Variants in IL12RB2 observed in about 807,000 individuals in gnomAD.
IL12RB2 encodes interleukin-12 receptor subunit beta-2.
A neutral mutation model predicts 89.4 loss-of-function variants in IL12RB2; 82 were observed. The ratio of observed to expected loss-of-function variants is 0.92; its 90% CI spans 0.77 to 1.10. The LOEUF (loss-of-function observed/expected upper bound fraction) is 1.10, where lower values mean the gene tolerates loss of function less well. Among genes scored for constraint, IL12RB2 ranks in the 50% least tolerant of loss-of-function variants. The pLI, the probability that IL12RB2 is intolerant of heterozygous loss-of-function variation, is 0.00. For synonymous variants in IL12RB2, 368 were observed against 370.1 expected, an observed-to-expected ratio of 0.99 and a Z score of 0.07; for missense variants, 963 against 1,031.9, an observed-to-expected ratio of 0.93 and a Z score of 0.92.
chr1:67,355,107 C>T (rs973175886), intron 10 of IL12RB2, among the ~76,000 whole-genome samples: 1 of 151,366 alleles, frequency 6.6e-6, no homozygotes, highest in East Asian at 2.0e-4. Context: ...CAGAACAAGA[C>T]ATTATCTAAA....
At chr1:67,322,081 GTCTC>G (rs35077887) in intron 4 of IL12RB2, among the ~76,000 whole-genome samples, 192 bp downstream of exon 4, 10 of 149,016 alleles carry the variant, frequency 6.7e-5, no homozygotes, top group East Asian at 2.0e-4. Context: ...TATTTGGCAA[GTCTC>G]TCTCTCTCTC....
At chr1:67,391,554 A>C (rs1046423753) in intron 16 of IL12RB2, among the ~76,000 whole-genome samples, 5 of 149,268 alleles carry the variant, frequency 3.3e-5, no homozygotes, top group Non-Finnish European at 7.4e-5. Flanking sequence ...TATAATTTAG[A>C]TATATTATCT....
chr1:67,354,257 G>A (rs1246255724), intron 10 of IL12RB2, among the ~76,000 whole-genome samples: 1 of 152,166 alleles, frequency 6.6e-6, no homozygotes, highest in Non-Finnish European at 1.5e-5. Context: ...AGGTGAGGGA[G>A]AGCAGGTGTG....
At chr1:67,375,559 G>C (rs1190132942) in intron 13 of IL12RB2, among the ~76,000 whole-genome samples, 2 of 152,190 alleles carry the variant, frequency 1.3e-5, no homozygotes, top group African/African-American at 4.8e-5. Flanking sequence ...GAGGGAGAAA[G>C]GCAAAGCAGG....
At chr1:67,328,625 G>T (rs1291152653) in intron 6 of IL12RB2, among the ~76,000 whole-genome samples, 1 of 152,152 alleles carries the variant, frequency 6.6e-6, no homozygotes, top group Non-Finnish European at 1.5e-5. Flanking sequence ...TTAGCCCCTG[G>T]ATTCAAATCC....
At chr1:67,356,726 C>A (rs1661437469) in intron 10 of IL12RB2, among the ~76,000 whole-genome samples, 1 of 152,096 alleles carries the variant, frequency 6.6e-6, no homozygotes, top group African/African-American at 2.4e-5. Flanking sequence ...TATAGCTGTA[C>A]TTTGACTCCT....
chr1:67,313,600 A>C (rs1304433645), intron 1 of IL12RB2, among the ~76,000 whole-genome samples: 1 of 152,138 alleles, frequency 6.6e-6, no homozygotes, highest in Non-Finnish European at 1.5e-5. Context: ...CGAGGCAGGC[A>C]GATCACCTGA....
rs573465872 is a variant in IL12RB2, at chr1:67,348,679, A to C, written c.1039-2191A>C. On this transcript the variant is annotated intron_variant, in intron 9 of 16. Coordinates refer to ENST00000674203, the MANE Select transcript of IL12RB2 (RefSeq NM_001374259.2). ...GTTGCCTTAAAAAATTAAAAAAAAA[A>C]AAACCCTGAACTGATTATACTGTTT... Among the ~76,000 whole-genome samples, 6 of 152,228 alleles carry C rather than the reference A, an allele frequency of 3.9e-5. No homozygotes were observed. The East Asian group carries it at 7.7e-4, about 20-fold the overall frequency.
chr1:67,348,107 G>A (rs1013971199), intron 9 of IL12RB2, among the ~76,000 whole-genome samples: 1 of 152,144 alleles, frequency 6.6e-6, no homozygotes, highest in East Asian at 1.9e-4. Context: ...GGGAAGAGTC[G>A]GCGGGCTCCT....
At position 67,319,002 on chromosome 1, in the gene IL12RB2, T is replaced by C. The variant is rs1558296047; in HGVS notation, c.-36-1331T>C. On this transcript the variant is annotated intron_variant, in intron 2 of 16. Transcript: ENST00000674203. ...TAACATTATTTAGGGTTTTCCTGAA[T>C]GATGGCTAGGCTAGAGGTAGAGGAA... Among the ~76,000 whole-genome samples, 3 of 152,166 alleles carry C rather than the reference T, an allele frequency of 2.0e-5. No homozygotes were observed. In the East Asian group the frequency reaches 5.8e-4, roughly 29 times the overall value.
At chr1:67,360,667 G>T (rs545663135) in intron 10 of IL12RB2, among the ~76,000 whole-genome samples, 7 of 151,816 alleles carry the variant, frequency 4.6e-5, no homozygotes, top group African/African-American at 1.7e-4. Flanking sequence ...GTAGTGGCAC[G>T]TGCCTGTAAT....
intron 8 of IL12RB2, among the ~76,000 whole-genome samples, chr1:67,336,770 G>A (rs527684716): frequency 1.3e-5 from 2 of 152,328 alleles, no homozygotes; most frequent in African/African-American, 4.8e-5. Flanking sequence ...CCAAGGCTAT[G>A]GGCTCTGGGA....
chr1:67,318,376 T>C (rs961390496), intron 2 of IL12RB2, among the ~76,000 whole-genome samples: 1 of 152,164 alleles, frequency 6.6e-6, no homozygotes. Context: ...TTTATGTTTT[T>C]CAAAGATAGT....
chr1:67,319,856 G>A (rs1656263573), intron 2 of IL12RB2, among the ~76,000 whole-genome samples: 1 of 152,056 alleles, frequency 6.6e-6, no homozygotes, highest in South Asian at 2.1e-4. Context: ...TTTACGAATG[G>A]AACTAGTGAC....
chr1:67,362,601 A>T (rs1423522689), intron 10 of IL12RB2, among the ~76,000 whole-genome samples: 1 of 150,412 alleles, frequency 6.6e-6, no homozygotes, highest in Non-Finnish European at 1.5e-5. Context: ...AAGAAAAAGA[A>T]AAAAAAAGAA....
chr1:67,359,183 A>G (rs1317937878), intron 10 of IL12RB2, among the ~76,000 whole-genome samples: 1 of 152,154 alleles, frequency 6.6e-6, no homozygotes, highest in East Asian at 1.9e-4. Context: ...ATTTATATAC[A>G]ACATGCACTC....
chr1:67,320,276 T>C, intron 2 of IL12RB2, 57 bp from the exon 3 acceptor site: 1 of 1,608,664 alleles, frequency 6.2e-7, no homozygotes, highest in Non-Finnish European at 8.5e-7. Context: ...TGAGCTATTT[T>C]GGCTCTGGTA....
At chr1:67,342,285 A>G (rs1430607294) in intron 9 of IL12RB2, among the ~76,000 whole-genome samples, 5 of 151,868 alleles carry the variant, frequency 3.3e-5, no homozygotes, top group African/African-American at 9.7e-5. Context: ...AACGCCCACC[A>G]CTGCAAAGAA....
intron 11 of IL12RB2, 139 bp from the exon 12 acceptor site, chr1:67,372,297 A>G: frequency 2.8e-6 from 2 of 717,414 alleles, no homozygotes; most frequent in African/African-American, 1.7e-5. Context: ...TCATCAGTCC[A>G]GACTGTGCTT....
Sources: gnomAD v4.1 joint callset for allele counts (sites outside exome capture counted in the v4.1 genomes callset) on GRCh38, gnomAD v4.1.1 for gene constraint, MANE v1.5 for transcripts, NCBI Gene and HGNC (gene_info 2026-07-23, HGNC 2026-07-21) for gene names.